Variants in DISP1 observed in about 807,000 individuals in gnomAD.
The protein encoded by DISP1 is dispatched RND transporter family member 1.
A neutral mutation model predicts 37.3 loss-of-function variants in DISP1; 30 were observed. The ratio of observed to expected loss-of-function variants is 0.80; its 90% CI spans 0.60 to 1.09. DISP1 has a LOEUF of 1.09. Ranked by LOEUF, DISP1 falls within the 50% of genes least tolerant of loss-of-function variation. DISP1 has a pLI of 0.00. For synonymous variants in DISP1, 634 were observed against 690.2 expected (o/e 0.92, Z 1.28); for missense variants, 1,598 against 1,879.5 (o/e 0.85, Z 2.77).
At position 222,924,374 on chromosome 1, in the gene DISP1, A is replaced by T. The variant is rs191990087; in HGVS notation, c.-158-4056A>T. Among the ~76,000 whole-genome samples the T allele has an allele frequency of 5.9e-5, 9 of 152,276 alleles. No individual in the cohort carries two copies. The East Asian group carries it at 1.7e-3, about 29-fold the overall frequency. Reference sequence around the variant, plus strand: ...CAGCAGGGACCTATGAGATCATCTCATCTAGTGTTTGGATTTTGTAGATAA... The same window carrying T: ...CAGCAGGGACCTATGAGATCATCTCTTCTAGTGTTTGGATTTTGTAGATAA... On this transcript the variant is annotated intron_variant, in intron 1 of 8. Coordinates refer to ENST00000675850, the MANE Select transcript of DISP1 (RefSeq NM_001377229.1).
At chr1:222,972,097 A>T (rs922379760) in intron 3 of DISP1, among the ~76,000 whole-genome samples, 1 of 152,096 alleles carries the variant, frequency 6.6e-6, no homozygotes, top group African/African-American at 2.4e-5. Context: ...GGCACTTCTA[A>T]TTGTACTTAT....
intron 1 of DISP1, among the ~76,000 whole-genome samples, chr1:222,822,108 G>A (rs572721248): frequency 6.6e-6 from 1 of 152,210 alleles, no homozygotes; most frequent in East Asian, 1.9e-4. Context: ...GTGTGAAAAC[G>A]GAATATACAG....
chr1:222,841,435 G>A (rs958176283), intron 1 of DISP1, among the ~76,000 whole-genome samples: 6 of 152,138 alleles, frequency 3.9e-5, no homozygotes, highest in African/African-American at 1.4e-4. Flanking sequence ...AGAGAAGTTA[G>A]GTACTCACTC....
intron 3 of DISP1, among the ~76,000 whole-genome samples, chr1:222,965,129 G>A (rs1236231922): frequency 6.6e-6 from 1 of 152,082 alleles, no homozygotes; most frequent in Non-Finnish European, 1.5e-5. Context: ...TTTCGCTGCA[G>A]TATAGCCTAG....
Position 223,005,516 on chromosome 1 carries a change from T to G in DISP1, c.4119T>G (p.Asn1373Lys). The G allele has an allele frequency of 6.2e-7, 1 of 1,613,896 alleles. No homozygotes were observed. Reference sequence around the variant, plus strand: ...CCCAAGAAAAAATTGGCAAGACCAATGTACACAGTCTTCAGAGGAGCATAG... The same window carrying G: ...CCCAAGAAAAAATTGGCAAGACCAAGGTACACAGTCTTCAGAGGAGCATAG... The part of the protein sequence containing the change: ...IQAQEKIGKT[N>K]VHSLQRSIEE... Residue 1373 changes from asparagine to lysine, a missense_variant, in exon 9 of 9, where the codon AAT (asparagine) becomes AAG (lysine). Coordinates refer to ENST00000675850, the MANE Select transcript of DISP1 (RefSeq NM_001377229.1).
At position 222,828,121 on chromosome 1, in the gene DISP1, G is replaced by A. The variant is rs181946654; in HGVS notation, c.-159+13043G>A. Among the ~76,000 whole-genome samples, 16 of 152,286 alleles carry A rather than the reference G, an allele frequency of 1.1e-4. 1 individual carries two copies. Among genetic ancestry groups the A allele is most frequent in the South Asian group, 2.1e-4 (1 of 4,818 alleles). Reference sequence around the variant, plus strand: ...GTATTATTATTCCTCTTTTAAAGATGAGGAAACTGAAATTTTAAAAGCAGG... The same window carrying A: ...GTATTATTATTCCTCTTTTAAAGATAAGGAAACTGAAATTTTAAAAGCAGG... On this transcript the variant is annotated intron_variant, in intron 1 of 8. Coordinates refer to ENST00000675850, the MANE Select transcript of DISP1 (RefSeq NM_001377229.1).
chr1:222,842,694 G>T lies in DISP1; in HGVS notation c.-159+27616G>T, dbSNP rs188955386. Among the ~76,000 whole-genome samples, 7 of 152,158 alleles carry T rather than the reference G, an allele frequency of 4.6e-5. No individual in the cohort carries two copies. The East Asian group carries it at 1.4e-3, about 29-fold the overall frequency. Reference sequence around the variant, plus strand: ...TGCATCTGTTAACACACAGGCTTTGGAGAGTCACAGTATACATTAATTTAT... The same window carrying T: ...TGCATCTGTTAACACACAGGCTTTGTAGAGTCACAGTATACATTAATTTAT... On this transcript the variant is annotated intron_variant, in intron 1 of 8. Transcript: ENST00000675850.
At chr1:222,942,726 G>GT in intron 2 of DISP1, 81 bp from the exon 3 acceptor site, 2 of 1,540,852 alleles carry the variant, frequency 1.3e-6, no homozygotes, top group Non-Finnish European at 1.8e-6. Context: ...TCAATGAGCT[G>GT]TTTTTAAATA....
At position 222,879,001 on chromosome 1, in the gene DISP1, A is replaced by T. The variant is rs993484521; in HGVS notation, c.-158-49429A>T. Among the ~76,000 whole-genome samples the T allele has an allele frequency of 1.8e-4, 27 of 152,216 alleles. No homozygotes were observed. The East Asian group carries it at 4.1e-3, about 23-fold the overall frequency. The stretch of plus-strand genomic sequence containing the variant: ...GAAGCATTTTAATTAATGCATGTTT[A>T]TTTGGCAGCTTGGTTCTTTGTCTGG... On this transcript the variant is annotated intron_variant, in intron 1 of 8. Coordinates refer to ENST00000675850, the MANE Select transcript of DISP1 (RefSeq NM_001377229.1).
intron 1 of DISP1, among the ~76,000 whole-genome samples, chr1:222,825,652 C>G (rs577024141): frequency 1.3e-5 from 2 of 152,074 alleles, no homozygotes; most frequent in Admixed American, 6.5e-5. Flanking sequence ...AGGCGCCCAC[C>G]ACCACACCTG....
At chr1:222,948,754 G>A (rs530756229) in intron 3 of DISP1, among the ~76,000 whole-genome samples, 12 of 152,220 alleles carry the variant, frequency 7.9e-5, no homozygotes, top group African/African-American at 2.2e-4. Context: ...AACATTGACC[G>A]CCTTAGAGTA....
chr1:222,978,989 G>T (rs1278796759), intron 3 of DISP1, among the ~76,000 whole-genome samples: 1 of 152,006 alleles, frequency 6.6e-6, no homozygotes, highest in African/African-American at 2.4e-5. Flanking sequence ...GCTTAGGATT[G>T]ACTTGGCGAT....
chr1:222,999,238 A>G (rs1048503394), intron 8 of DISP1, among the ~76,000 whole-genome samples: 2 of 152,176 alleles, frequency 1.3e-5, no homozygotes, highest in Non-Finnish European at 2.9e-5. Flanking sequence ...CTAAACATCC[A>G]TTTTGTGAAT....
intron 1 of DISP1, among the ~76,000 whole-genome samples, chr1:222,836,754 T>TAC (rs1166309285): frequency 3.1e-4 from 46 of 147,688 alleles, no homozygotes; most frequent in Non-Finnish European, 4.4e-4. Flanking sequence ...TATATATATA[T>TAC]ATATATATAC....
chr1:222,889,680 A>T (rs1670836801), intron 1 of DISP1, among the ~76,000 whole-genome samples: 2 of 152,244 alleles, frequency 1.3e-5, no homozygotes, highest in South Asian at 4.1e-4. Context: ...GAGACATGGG[A>T]TAATGGGTAA....
intron 3 of DISP1, among the ~76,000 whole-genome samples, chr1:222,944,237 G>A (rs1674599222): frequency 6.6e-6 from 1 of 152,114 alleles, no homozygotes; most frequent in Non-Finnish European, 1.5e-5. Flanking sequence ...AGCATTTTTA[G>A]ATCTGGTACC....
chr1:222,978,596 A>T (rs1424145235), intron 3 of DISP1, among the ~76,000 whole-genome samples: 4 of 152,184 alleles, frequency 2.6e-5, no homozygotes, highest in African/African-American at 9.7e-5. Context: ...GTCTTTGCCC[A>T]TGCCTGTGTC....
In DISP1 at chr1:223,003,200, G is replaced by C. The variant is rs147916909; in HGVS notation, c.1803G>C (p.Leu601Phe). ...CCTCAGAAACAGTAAGCATCACCTT[G>C]CAGCACGCTGCCCTCTCCATGTTCG... is the stretch of plus-strand genomic sequence containing the variant. ...AETSETVSIT[L>F]QHAALSMFVT... Residue 601 changes from leucine to phenylalanine, a missense_variant, in exon 9 of 9, where the codon TTG becomes TTC. By Grantham distance (22) the Leu-to-Phe change is conservative (BLOSUM62 0). Coordinates refer to ENST00000675850, the MANE Select transcript of DISP1 (RefSeq NM_001377229.1). The surrounding 1 kb of genome is among the most constrained non-coding windows in gnomAD (Gnocchi z 4.3). The C allele has an allele frequency of 4.3e-6, 7 of 1,614,054 alleles. No individual in the cohort carries two copies. In the African/African-American group the frequency reaches 9.3e-5, roughly 22 times the overall value.
intron 6 of DISP1, 100 bp downstream of exon 6, chr1:222,991,747 G>C: frequency 7.4e-7 from 1 of 1,348,744 alleles, no homozygotes; most frequent in South Asian, 1.4e-5. Flanking sequence ...TGTAAAATGT[G>C]TGGCTCAAAA....
Sources: allele counts gnomAD v4.1 joint callset (sites outside exome capture counted in the v4.1 genomes callset), GRCh38; gene constraint gnomAD v4.1.1; non-coding constraint Gnocchi (gnomAD v3.1); transcripts MANE v1.5; gene names NCBI Gene and HGNC (gene_info 2026-07-23, HGNC 2026-07-21).